The following CEP89 variants were observed in gnomAD, a reference collection of about 807,000 sequenced individuals.
The protein encoded by CEP89 is centrosomal protein of 89 kDa.
CEP89 carries 95 observed loss-of-function variants against 97.6 expected under a neutral mutation model. The ratio of observed to expected loss-of-function variants is 0.97; its 90% CI spans 0.82 to 1.15. The LOEUF (loss-of-function observed/expected upper bound fraction) is 1.15. Among genes scored for constraint, CEP89 ranks in the 50% most tolerant of loss-of-function variants. The probability of loss-of-function intolerance (pLI) is 0.00; values close to 1 mark genes in which losing one functional copy is unlikely to be tolerated. For synonymous variants in CEP89, 354 were observed against 349.1 expected (o/e 1.01, Z -0.16); for missense variants, 869 against 947.7 (o/e 0.92, Z 1.09).
At chr19:32,935,818 C>T (rs753672130) in intron 7 of CEP89, among the ~76,000 whole-genome samples, 2 of 152,046 alleles carry the variant, frequency 1.3e-5, no homozygotes, top group African/African-American at 2.4e-5. Flanking sequence ...GCTGCAGACC[C>T]GAGAATCTCT....
At chr19:32,922,263 C>T (rs56001661) in intron 12 of CEP89, among the ~76,000 whole-genome samples, 3,857 of 152,178 alleles carry the variant, frequency 0.025, 172 homozygotes, top group African/African-American at 0.089. Flanking sequence ...ACAAAGGGGC[C>T]GGGTGCAGTG....
chr19:32,895,202 T>C (rs1568547634), intron 16 of CEP89, among the ~76,000 whole-genome samples: 2 of 152,082 alleles, frequency 1.3e-5, no homozygotes, highest in Non-Finnish European at 2.9e-5. Context: ...ATATCCCTAA[T>C]GAACACAGAT....
At chr19:32,938,361 G>A (rs998661795) in intron 6 of CEP89, among the ~76,000 whole-genome samples, 4 of 152,130 alleles carry the variant, frequency 2.6e-5, no homozygotes, top group Admixed American at 1.3e-4. Context: ...TTCTCACTGG[G>A]ATGGGCAAAA....
chr19:32,889,884 C>T (rs1234233418), intron 16 of CEP89, among the ~76,000 whole-genome samples: 4 of 152,288 alleles, frequency 2.6e-5, no homozygotes, highest in Non-Finnish European at 5.9e-5. Context: ...GGCCAGCACA[C>T]ACAGCAGCAG....
intron 12 of CEP89, among the ~76,000 whole-genome samples, 173 bp downstream of exon 12, chr19:32,923,266 G>T (rs552495972): frequency 1.3e-5 from 2 of 152,208 alleles, no homozygotes; most frequent in Non-Finnish European, 2.9e-5. Flanking sequence ...TCTTGAAAAT[G>T]TAAGTTTAGA....
rs558794746 is a variant in CEP89, at chr19:32,878,893, T to C, written c.*269A>G. 1.1e-4 allele frequency: 34 copies of C among 320,990 alleles called. No individual in the cohort carries two copies. In the Admixed American group the frequency reaches 1.4e-3, roughly 13 times the overall value. 19.9% of individuals were successfully genotyped at this position (320,990 alleles called of 1,614,324 possible). A position where few individuals can be genotyped will look rare whatever the true frequency, so the allele number is the denominator to read the frequency against. On this transcript the variant is annotated 3_prime_UTR_variant, in exon 19 of 19. Transcript: ENST00000305768. Reference sequence around the variant, plus strand: ...TGAAGCAGAAGGATCTCAAACATGTTTGAGGCTGCCGTGAGCTATGATTGC... The same window carrying C: ...TGAAGCAGAAGGATCTCAAACATGTCTGAGGCTGCCGTGAGCTATGATTGC...
At position 32,893,099 on chromosome 19, in the gene CEP89, G is replaced by C. The variant is rs138695080; in HGVS notation, c.1876-5258C>G. 1.4e-3 allele frequency among the ~76,000 whole-genome samples: 212 copies of C among 146,552 alleles called. 1 individual carries two copies. Among genetic ancestry groups the C allele is most frequent in the African/African-American group, 4.8e-3 (193 of 40,006 alleles). Reference sequence around the variant, plus strand: ...CTTAAAAGATACAGACTGGCTGAATGGATATCAGAAAAAAAAAACACGATT... The same window carrying C: ...CTTAAAAGATACAGACTGGCTGAATCGATATCAGAAAAAAAAAACACGATT... On this transcript the variant is annotated intron_variant, in intron 16 of 18. Transcript: ENST00000305768.
chr19:32,941,967 T>C (rs1970695754), intron 5 of CEP89, among the ~76,000 whole-genome samples: 1 of 152,254 alleles, frequency 6.6e-6, no homozygotes, highest in Non-Finnish European at 1.5e-5. Context: ...TGATTTGGTA[T>C]CACACAATGC....
At chr19:32,924,603 C>G (rs1023504404) in intron 11 of CEP89, among the ~76,000 whole-genome samples, 1 of 152,040 alleles carries the variant, frequency 6.6e-6, no homozygotes, top group Non-Finnish European at 1.5e-5. Flanking sequence ...ATGCCTACAC[C>G]CTTTTAACTT....
intron 17 of CEP89, among the ~76,000 whole-genome samples, chr19:32,887,275 T>C (rs976990113): frequency 6.6e-5 from 10 of 151,610 alleles, no homozygotes; most frequent in African/African-American, 1.9e-4. Flanking sequence ...TGGAGTACAG[T>C]GGTGTGACCT....
At chr19:32,957,002 A>G (rs1599777400) in intron 3 of CEP89, among the ~76,000 whole-genome samples, 1 of 152,330 alleles carries the variant, frequency 6.6e-6, no homozygotes, top group Non-Finnish European at 1.5e-5. Context: ...TAATCAATAT[A>G]GCACTGAATG....
At chr19:32,903,095 A>C (rs1428531316) in intron 14 of CEP89, among the ~76,000 whole-genome samples, 2 of 151,874 alleles carry the variant, frequency 1.3e-5, no homozygotes, top group African/African-American at 4.8e-5. Flanking sequence ...TAATCCCAGC[A>C]CTTTGGGAGG....
At chr19:32,948,743 T>C (rs1970850653) in intron 4 of CEP89, among the ~76,000 whole-genome samples, 1 of 152,078 alleles carries the variant, frequency 6.6e-6, no homozygotes, top group African/African-American at 2.4e-5. Flanking sequence ...CCCTTTTTTT[T>C]GAGACAGGGT....
At chr19:32,899,177 C>A (rs1415503142) in intron 16 of CEP89, among the ~76,000 whole-genome samples, 2 of 147,996 alleles carry the variant, frequency 1.4e-5, no homozygotes, top group African/African-American at 5.0e-5. Context: ...GTCTACCAGG[C>A]TGCAGTGCAG....
At position 32,948,307 on chromosome 19, in the gene CEP89, A is replaced by C. The variant is rs1395747763; in HGVS notation, c.554T>G (p.Phe185Cys). Reference sequence around the variant, plus strand: ...CTGTGGTGCAGGAGGGGAGCCTGGAAACCCATCTTGATGAGAAATATTTTC... The same window carrying C: ...CTGTGGTGCAGGAGGGGAGCCTGGACACCCATCTTGATGAGAAATATTTTC... ...DDENISHQDG[F>C]PGSPPAPQRT... is the part of the protein sequence containing the mutation. Residue 185 changes from phenylalanine to cysteine, a missense_variant, in exon 5 of 19, where the codon TTT becomes TGT. Transcript: ENST00000305768. 2 of 1,611,642 alleles carry C rather than the reference A, an allele frequency of 1.2e-6. No individual in the cohort carries two copies. Among genetic ancestry groups the C allele is most frequent in the African/African-American group, 2.7e-5 (2 of 74,834 alleles).
At chr19:32,910,125 G>A (rs1215771897) in intron 14 of CEP89, among the ~76,000 whole-genome samples, 3 of 152,166 alleles carry the variant, frequency 2.0e-5, no homozygotes, top group Non-Finnish European at 4.4e-5. Context: ...GCCAAGCGTG[G>A]TGGCACACTC....
chr19:32,911,520 G>A (rs946171171), intron 14 of CEP89, among the ~76,000 whole-genome samples: 4 of 152,198 alleles, frequency 2.6e-5, no homozygotes, highest in African/African-American at 7.2e-5. Context: ...AGGTGCTATG[G>A]CACGTGCCTG....
intron 18 of CEP89, among the ~76,000 whole-genome samples, chr19:32,880,346 G>C (rs1444387585): frequency 6.6e-6 from 1 of 152,048 alleles, no homozygotes; most frequent in African/African-American, 2.4e-5. Context: ...CTTGGCCAGA[G>C]TCACTTTTCT....
Position 32,926,968 on chromosome 19 carries a change from C to G in CEP89, c.1046G>C (p.Gly349Ala). The G allele has an allele frequency of 6.2e-7, 1 of 1,613,680 alleles. No individual in the cohort carries two copies. Among genetic ancestry groups the G allele is most frequent in the South Asian group, 1.1e-5 (1 of 91,026 alleles). ...TGGTATAGGGCCCTTGGATGGGAGG[C>G]CTTCAATATTTAAGCTCTAAGAACA... ...LSKEESLNIEGLPSKGPIPPW... is the reference protein window; with the variant it reads ...LSKEESLNIEALPSKGPIPPW... Residue 349 changes from glycine to alanine, a missense_variant, in exon 10 of 19, where the codon GGC becomes GCC. Physicochemically the swap from Gly to Ala is moderately conservative, Grantham distance 60. Transcript: ENST00000305768.
Sources: gnomAD v4.1 joint callset for allele counts (sites outside exome capture counted in the v4.1 genomes callset) on GRCh38, gnomAD v4.1.1 for gene constraint, MANE v1.5 for transcripts, NCBI Gene and HGNC (gene_info 2026-07-23, HGNC 2026-07-21) for gene names.